NOTCH2: variants seen among roughly 807,000 people sequenced by gnomAD.
The protein encoded by NOTCH2 is notch receptor 2.
A neutral mutation model predicts 235.8 loss-of-function variants in NOTCH2; 29 were observed. The observed-to-expected ratio is 0.12, with a 90% confidence interval of 0.09 to 0.17. NOTCH2 has a LOEUF of 0.17. Among genes scored for constraint, NOTCH2 ranks in the 10% least tolerant of loss-of-function variants. The pLI is 1.00. For missense variants in NOTCH2, 2,285 were observed against 3,150.2 expected, an observed-to-expected ratio of 0.73 and a Z score of 6.57; for synonymous variants, 1,086 against 1,141.5, an observed-to-expected ratio of 0.95 and a Z score of 0.98.
Position 119,922,343 on chromosome 1 carries a change from T to C in NOTCH2, c.5106A>G (p.Arg1702=), listed in dbSNP as rs1557804944. 11 of 1,614,140 alleles carry C rather than the reference T, an allele frequency of 6.8e-6. No homozygotes were observed. The East Asian group carries it at 2.5e-4, about 36-fold the overall frequency. ...GCCAGAGAGAGCCATGCTTACGCTT[T>C]CGTTTTGCCATGATTACCCCCAGCA... The part of the protein sequence containing the change: ...IILLGVIMAK[R]KRKHGSLWLP... The change falls in exon 28 of 34, where the codon CGA becomes CGG. Residue 1702 remains arginine (R), a synonymous_variant. Transcript: ENST00000256646.
At chr1:120,011,976 A>G (rs1653211826) in intron 2 of NOTCH2, among the ~76,000 whole-genome samples, 2 of 146,436 alleles carry the variant, frequency 1.4e-5, no homozygotes, top group Non-Finnish European at 3.0e-5. Context: ...AGATCGCGCC[A>G]CTGCACTCCA....
chr1:120,037,651 T>C (rs1654361933), intron 1 of NOTCH2, among the ~76,000 whole-genome samples: 2 of 151,884 alleles, frequency 1.3e-5, no homozygotes, highest in Non-Finnish European at 2.9e-5. Flanking sequence ...TCTTCCTCCT[T>C]GAAATTTGTC....
chr1:119,948,401 C>T lies in NOTCH2; in HGVS notation c.2752+13G>A. On this transcript the variant is annotated intron_variant, in intron 17 of 33. Coordinates refer to ENST00000256646, the MANE Select transcript of NOTCH2 (RefSeq NM_024408.4). The stretch of plus-strand genomic sequence containing the variant: ...TCTCCTCTGGGGGCTTAAGAGCTGA[C>T]TGGCATACTCACTGGCAAGGCAGTC... The T allele has an allele frequency of 1.9e-6, 3 of 1,613,966 alleles. No homozygotes were observed. The highest frequency in any genetic ancestry group is 1.7e-6 in the Non-Finnish European group (2 of 1,180,036).
rs587608621 is a variant in NOTCH2 at position 119,983,282 on chromosome 1, T to G, written c.874+3678A>C. Reference sequence around the variant, plus strand: ...GCAGTGGCGTGATTAGCCTCCCAAGTGACCAGGACTACAGGTGCACGCCAC... The same window carrying G: ...GCAGTGGCGTGATTAGCCTCCCAAGGGACCAGGACTACAGGTGCACGCCAC... On this transcript the variant is annotated intron_variant, in intron 5 of 33. Transcript: ENST00000256646. Among the ~76,000 whole-genome samples the G allele has an allele frequency of 8.8e-4, 134 of 151,954 alleles. 1 individual carries two copies. In the Middle Eastern group the frequency reaches 0.01, roughly 12 times the overall value.
chr1:119,988,348 G>A (rs1314074845), intron 4 of NOTCH2, among the ~76,000 whole-genome samples: 6 of 152,130 alleles, frequency 3.9e-5, no homozygotes, highest in African/African-American at 1.4e-4. Flanking sequence ...TCACTCCATG[G>A]AAGACAGAAA....
chr1:119,918,970 A>G (rs1303315737), intron 31 of NOTCH2, among the ~76,000 whole-genome samples: 1 of 152,198 alleles, frequency 6.6e-6, no homozygotes, highest in East Asian at 1.9e-4. Context: ...AGTCAGGCCA[A>G]TCCATAAGAA....
chr1:119,991,876 C>T (rs1168269717), intron 4 of NOTCH2, among the ~76,000 whole-genome samples: 2 of 133,764 alleles, frequency 1.5e-5, no homozygotes, highest in Non-Finnish European at 3.1e-5. Flanking sequence ...ACGCATGCCC[C>T]CAAGTGTGAG....
intron 10 of NOTCH2, among the ~76,000 whole-genome samples, chr1:119,964,035 C>A (rs992780482): frequency 6.6e-6 from 1 of 152,194 alleles, no homozygotes; most frequent in African/African-American, 2.4e-5. Context: ...GAAATACCTT[C>A]GCAACTGATC....
intron 19 of NOTCH2, among the ~76,000 whole-genome samples, chr1:119,939,363 A>G (rs782649166): frequency 3.3e-5 from 5 of 152,232 alleles, no homozygotes; most frequent in South Asian, 2.1e-4. Context: ...TGCTCTAGAC[A>G]TGATTTGCCT....
At chr1:119,959,091 T>C (rs1650837493) in intron 12 of NOTCH2, among the ~76,000 whole-genome samples, 1 of 152,276 alleles carries the variant, frequency 6.6e-6, no homozygotes, top group South Asian at 2.1e-4. Context: ...CTGTAATCAA[T>C]AAACATAGCT....
At chr1:119,971,698 T>C (rs1402382420) in intron 5 of NOTCH2, among the ~76,000 whole-genome samples, 3 of 152,030 alleles carry the variant, frequency 2.0e-5, no homozygotes, top group Non-Finnish European at 4.4e-5. Flanking sequence ...CACCCCAGTC[T>C]GGACAATAGA....
chr1:120,065,248 A>C (rs1311684591), intron 1 of NOTCH2, among the ~76,000 whole-genome samples: 4 of 152,248 alleles, frequency 2.6e-5, no homozygotes, highest in Non-Finnish European at 5.9e-5. Context: ...TAAAATGTCT[A>C]GGAGTACCAC....
At chr1:119,974,628 T>C (rs1452983676) in intron 5 of NOTCH2, among the ~76,000 whole-genome samples, 3 of 152,220 alleles carry the variant, frequency 2.0e-5, no homozygotes, top group African/African-American at 7.2e-5. Flanking sequence ...CTTTTGTTGA[T>C]TCCTCAAACA....
Position 119,914,560 on chromosome 1 carries a change from GAAGAA to G in NOTCH2, c.*741_*745del, listed in dbSNP as rs1276723010. 1 of 233,508 alleles carries G rather than the reference GAAGAA, an allele frequency of 4.3e-6. No individual in the cohort carries two copies. The highest frequency in any genetic ancestry group is 8.4e-6 in the Non-Finnish European group (1 of 118,382). 14.5% of individuals were successfully genotyped at this position (233,508 alleles called of 1,614,324 possible). On this transcript the variant is annotated 3_prime_UTR_variant, in exon 34 of 34. Coordinates refer to ENST00000256646, the MANE Select transcript of NOTCH2 (RefSeq NM_024408.4). ...GGATCTCCTGCCCCCAAAATTTGTTGAAGAAAAGTATTCTTCTCCCCTTCTCTCTC... is the reference window on the plus strand; with the variant it reads ...GGATCTCCTGCCCCCAAAATTTGTTGAAGTATTCTTCTCCCCTTCTCTCTC...
Position 119,914,174 on chromosome 1 carries a change from C to G in NOTCH2, c.*1132G>C. 8.6e-6 allele frequency: 2 copies of G among 233,250 alleles called. No individual in the cohort carries two copies. Among genetic ancestry groups the G allele is most frequent in the Non-Finnish European group, 1.7e-5 (2 of 118,060 alleles). 14.4% of individuals were successfully genotyped at this position (233,250 alleles called of 1,614,324 possible). A position where few individuals can be genotyped will look rare whatever the true frequency, so the allele number is the denominator to read the frequency against. On this transcript the variant is annotated 3_prime_UTR_variant, in exon 34 of 34. Transcript: ENST00000256646. ...TGTGGATATGAAAGGAAAGGCTCAACAGTTAAGACTAGTTTCATATGCTGG... is the reference window on the plus strand; with the variant it reads ...TGTGGATATGAAAGGAAAGGCTCAAGAGTTAAGACTAGTTTCATATGCTGG...
rs1372376909 is a variant in NOTCH2, at chr1:119,918,476, G to A, written c.5859C>T (p.Arg1953=). The stretch of plus-strand genomic sequence containing the variant: ...CTGCCACCATTCCCTCCACAGCCAG[G>A]CGGGCAGCCAGGATCAGGGGTGTAG... The part of the protein sequence containing the change: ...DGTTPLILAA[R]LAVEGMVAEL... Residue 1953 remains arginine, a synonymous_variant, in exon 32 of 34, where the codon CGC becomes CGT. Transcript: ENST00000256646. 1.9e-6 allele frequency: 3 copies of A among 1,614,162 alleles called. No individual in the cohort carries two copies. The highest frequency in any genetic ancestry group is 8.5e-7 in the Non-Finnish European group (1 of 1,180,032).
At chr1:119,945,714 T>C (rs1650229321) in intron 17 of NOTCH2, among the ~76,000 whole-genome samples, 1 of 152,016 alleles carries the variant, frequency 6.6e-6, no homozygotes, top group Non-Finnish European at 1.5e-5. Context: ...TCAAAATTCA[T>C]TAAGCCAAAA....
chr1:119,962,951 A>G (rs926873117), intron 11 of NOTCH2, among the ~76,000 whole-genome samples: 3 of 152,206 alleles, frequency 2.0e-5, no homozygotes, highest in Admixed American at 6.5e-5. Flanking sequence ...GAGTCATTCA[A>G]CCAAGGTCAG....
At chr1:119,999,243 C>A (rs587676059) in intron 3 of NOTCH2, among the ~76,000 whole-genome samples, 86 of 148,924 alleles carry the variant, frequency 5.8e-4, no homozygotes, top group African/African-American at 2.0e-3. Flanking sequence ...TTTGTTAATA[C>A]TCCAGTTGAT....
Sources: allele counts gnomAD v4.1 joint callset (sites outside exome capture counted in the v4.1 genomes callset), GRCh38; gene constraint gnomAD v4.1.1; transcripts MANE v1.5; gene names NCBI Gene and HGNC (gene_info 2026-07-23, HGNC 2026-07-21).